CEP85: variants seen among roughly 807,000 people sequenced by gnomAD.
CEP85 encodes centrosomal protein of 85 kDa.
Under a neutral mutation model 93.7 loss-of-function variants are expected in CEP85, and 58 were observed. That is an observed-to-expected ratio of 0.62 (90% CI 0.50 to 0.77). The LOEUF (loss-of-function observed/expected upper bound fraction) is 0.77, where lower values mean the gene tolerates loss of function less well. CEP85 is among the 30% of genes least tolerant of loss of function. The pLI is 0.00. For synonymous variants in CEP85, 314 were observed against 338.6 expected, an observed-to-expected ratio of 0.93 and a Z score of 0.80; for missense variants, 868 against 922.0, an observed-to-expected ratio of 0.94 and a Z score of 0.76.
Position 26,249,225 on chromosome 1 carries a change from G to A in CEP85, c.208+4907G>A, listed in dbSNP as rs530228749. On this transcript the variant is annotated intron_variant, in intron 3 of 13. Transcript: ENST00000451429. ...GCCTTCTGAGTAGTTGGGATTACAG[G>A]CGTGTGCCACCACACCCAGCTAATT... Among the ~76,000 whole-genome samples, 132 of 152,256 alleles carry A rather than the reference G, an allele frequency of 8.7e-4. 1 individual carries two copies. The highest frequency in any genetic ancestry group is 2.8e-3 in the African/African-American group (116 of 41,516).
rs572106336 is a variant in CEP85, at chr1:26,245,697, A to G, written c.208+1379A>G. ...GATAGATACTATAAATTTTTTCTGTATTATTTCACTAAAGCCCTTAAGAAG... is the reference window on the plus strand; with the variant it reads ...GATAGATACTATAAATTTTTTCTGTGTTATTTCACTAAAGCCCTTAAGAAG... On this transcript the variant is annotated intron_variant, in intron 3 of 13. Transcript: ENST00000451429. Among the ~76,000 whole-genome samples the G allele has an allele frequency of 1.1e-4, 17 of 152,258 alleles. No individual in the cohort carries two copies. In the East Asian group the frequency reaches 3.3e-3, roughly 29 times the overall value.
At chr1:26,268,172 A>G (rs1283115921) in intron 7 of CEP85, among the ~76,000 whole-genome samples, 1 of 152,204 alleles carries the variant, frequency 6.6e-6, no homozygotes, top group African/African-American at 2.4e-5. Context: ...AAAAAAGTTG[A>G]TGTGGCTGGG....
chr1:26,239,893 T>C, intron 2 of CEP85, 55 bp downstream of exon 2: 1 of 1,312,426 alleles, frequency 7.6e-7, no homozygotes, highest in South Asian at 1.2e-5. Context: ...TGTTTTTTCA[T>C]ATTCCTTAAG....
chr1:26,254,865 A>T (rs1406522096), intron 3 of CEP85: 6 of 333,352 alleles, frequency 1.8e-5, no homozygotes, highest in Middle Eastern at 8.8e-4. Flanking sequence ...TAAATTTTTT[A>T]AAAAACTTTT....
chr1:26,244,132 T>C (rs1176819359), intron 2 of CEP85, 34 bp from the exon 3 acceptor site: 3 of 1,603,472 alleles, frequency 1.9e-6, no homozygotes, highest in Non-Finnish European at 2.6e-6. Flanking sequence ...ATCAGCTGGT[T>C]CACAGTAAAG....
At chr1:26,243,836 A>G (rs2089465092) in intron 2 of CEP85, among the ~76,000 whole-genome samples, 1 of 151,976 alleles carries the variant, frequency 6.6e-6, no homozygotes, top group African/African-American at 2.4e-5. Context: ...CGTCTCTACT[A>G]AAAATATAAA....
intron 3 of CEP85, 34 bp downstream of exon 3, chr1:26,244,352 G>C (rs1387923332): frequency 6.3e-7 from 1 of 1,589,910 alleles, no homozygotes; most frequent in African/African-American, 1.3e-5. Flanking sequence ...TTACCAATAT[G>C]TGTTCTCATT....
intron 6 of CEP85, 150 bp downstream of exon 6, chr1:26,258,410 C>T: frequency 1.6e-6 from 1 of 632,864 alleles, no homozygotes; most frequent in South Asian, 1.8e-5. Context: ...TATAAAGCAC[C>T]CTTTATCATG....
chr1:26,269,196 G>C (rs912128837), intron 8 of CEP85: 1 of 451,372 alleles, frequency 2.2e-6, no homozygotes, highest in Non-Finnish European at 4.1e-6. Flanking sequence ...AGACTGTGTG[G>C]TTCAACCCTA....
At position 26,255,710 on chromosome 1, in the gene CEP85, T is replaced by G; in HGVS notation, c.748T>G (p.Leu250Val). Reference sequence around the variant, plus strand: ...TTCTAATAGCAGTGGGGTCCTCCCTTTGGGACTCCAGCCTGCTCCCGGGCT... The same window carrying G: ...TTCTAATAGCAGTGGGGTCCTCCCTGTGGGACTCCAGCCTGCTCCCGGGCT... ...PHSNSSGVLP[L>V]GLQPAPGLSK... is the part of the protein sequence containing the mutation. Residue 250 changes from leucine to valine, a missense_variant, in exon 4 of 14, where the codon TTG becomes GTG. Coordinates refer to ENST00000451429, the MANE Select transcript of CEP85 (RefSeq NM_001319944.2). The G allele has an allele frequency of 6.2e-7, 1 of 1,614,122 alleles. No individual in the cohort carries two copies. Among genetic ancestry groups the G allele is most frequent in the Admixed American group, 1.7e-5 (1 of 60,008 alleles).
chr1:26,261,200 C>T (rs942850378), intron 7 of CEP85, among the ~76,000 whole-genome samples: 5 of 151,980 alleles, frequency 3.3e-5, no homozygotes, highest in Admixed American at 1.3e-4. Context: ...AGGCTGGGCG[C>T]CGTGGCTCAT....
chr1:26,265,838 T>C (rs766049991), intron 7 of CEP85, among the ~76,000 whole-genome samples: 110 of 151,734 alleles, frequency 7.2e-4, no homozygotes, highest in Non-Finnish European at 1.2e-3. Context: ...CCTGGTACTT[T>C]GGGAGGCCAA....
chr1:26,248,135 ACAT>A (rs1263951449), intron 3 of CEP85, among the ~76,000 whole-genome samples: 1 of 152,208 alleles, frequency 6.6e-6, no homozygotes, highest in Admixed American at 6.5e-5. Flanking sequence ...AACTTGCCTA[ACAT>A]CATACAGCTG....
At chr1:26,238,062 T>C (rs1438661002) in intron 1 of CEP85, among the ~76,000 whole-genome samples, 2 of 151,564 alleles carry the variant, frequency 1.3e-5, no homozygotes, top group Admixed American at 6.6e-5. Flanking sequence ...TGGGTTGTTA[T>C]GTACTTTAGT....
At chr1:26,253,095 TC>T (rs1222085173) in intron 3 of CEP85, among the ~76,000 whole-genome samples, 2 of 152,174 alleles carry the variant, frequency 1.3e-5, no homozygotes, top group African/African-American at 4.8e-5. Context: ...AGGCTGGTAT[TC>T]CGTTGTGTAA....
intron 12 of CEP85, among the ~76,000 whole-genome samples, chr1:26,275,558 C>T (rs889375709): frequency 8.5e-5 from 13 of 152,198 alleles, no homozygotes; most frequent in Non-Finnish European, 1.6e-4. Context: ...GGATTACAGT[C>T]GTGAGCCACT....
chr1:26,241,243 A>ATTTTTTTTTTTT (rs1433524136), intron 2 of CEP85, among the ~76,000 whole-genome samples: 13,976 of 59,466 alleles, frequency 0.24, 1,325 homozygotes, highest in Non-Finnish European at 0.3. Flanking sequence ...CATTCAGCAG[A>ATTTTTTTTTTTT]ATTTTTTTTT....
At chr1:26,248,251 G>A (rs1231356039) in intron 3 of CEP85, among the ~76,000 whole-genome samples, 1 of 152,106 alleles carries the variant, frequency 6.6e-6, no homozygotes, top group East Asian at 1.9e-4. Context: ...TTGTCTACAT[G>A]TGCAGTCATA....
chr1:26,249,295 T>A (rs1018131722), intron 3 of CEP85, among the ~76,000 whole-genome samples: 1 of 152,218 alleles, frequency 6.6e-6, no homozygotes, highest in Non-Finnish European at 1.5e-5. Context: ...TTGGCCAGAC[T>A]GGTCTCGAAG....
Sources: allele counts gnomAD v4.1 joint callset (sites outside exome capture counted in the v4.1 genomes callset), GRCh38; gene constraint gnomAD v4.1.1; transcripts MANE v1.5; gene names NCBI Gene and HGNC (gene_info 2026-07-23, HGNC 2026-07-21).